The following ESR1 variants were observed in gnomAD, a reference collection of about 807,000 sequenced individuals.
ESR1 encodes estrogen receptor 1, also known as estrogen receptor.
In ESR1, 12 loss-of-function variants were observed where a neutral mutation model predicts 52.7. That is an observed-to-expected ratio of 0.23 (90% CI 0.15 to 0.37). The LOEUF is 0.37. Ranked by LOEUF, ESR1 falls within the 10% of genes least tolerant of loss-of-function variation. The pLI, the probability that ESR1 is intolerant of heterozygous loss-of-function variation, is 1.00. For synonymous variants in ESR1, 305 were observed against 316.8 expected (o/e 0.96, Z 0.39); for missense variants, 584 against 779.7 (o/e 0.75, Z 2.99).
intron 2 of ESR1, among the ~76,000 whole-genome samples, chr6:151,795,980 C>A (rs931672818): frequency 1.5e-5 from 2 of 130,178 alleles, no homozygotes; most frequent in African/African-American, 6.2e-5. Flanking sequence ...AACCCCATCT[C>A]TTCTAAAAAT....
chr6:151,967,378 C>T (rs2038393757), intron 4 of ESR1, among the ~76,000 whole-genome samples: 1 of 152,094 alleles, frequency 6.6e-6, no homozygotes, highest in Admixed American at 6.5e-5. Flanking sequence ...TGTTTCCCTC[C>T]CTGTGTCCAT....
intron 2 of ESR1, among the ~76,000 whole-genome samples, chr6:151,786,128 T>G (rs1386067122): frequency 1.3e-5 from 2 of 151,970 alleles, no homozygotes; most frequent in Admixed American, 1.3e-4. Context: ...CTGCACAGGG[T>G]GCTCACAGTA....
rs78574022 is a variant in ESR1, at chr6:151,944,345, G to A, written c.933G>A (p.Thr311=). The A allele has an allele frequency of 7.2e-4, 1,164 of 1,614,110 alleles. 4 individuals are homozygous for A. The African/African-American group carries it at 0.012, about 17-fold the overall frequency. ...SKKNSLALSL[T]ADQMVSALLD... is the part of the protein sequence containing the mutation. ...AGAACAGCCTGGCCTTGTCCCTGACGGCCGACCAGATGGTCAGTGCCTTGT... is the reference window on the plus strand; with the variant it reads ...AGAACAGCCTGGCCTTGTCCCTGACAGCCGACCAGATGGTCAGTGCCTTGT... The change falls in exon 4 of 8, where the codon ACG becomes ACA. Residue 311 remains threonine (T), a synonymous_variant. Coordinates refer to ENST00000206249, the MANE Select transcript of ESR1 (RefSeq NM_000125.4).
intron 4 of ESR1, among the ~76,000 whole-genome samples, chr6:151,998,649 G>A (rs2041698445): frequency 6.6e-6 from 1 of 152,056 alleles, no homozygotes; most frequent in African/African-American, 2.4e-5. Context: ...AATCGTACAT[G>A]ATCTTGCAGA....
rs938392196 is a variant in ESR1 at position 151,841,554 on chromosome 6, G to A, written c.453-1043G>A. ...TTGGTTTTCCTAGAATCTCCTTACT[G>A]TTCATTTTCAGCTTCCTTTCTGTGT... On this transcript the variant is annotated intron_variant, in intron 1 of 7. Transcript: ENST00000206249. 1.1e-4 allele frequency among the ~76,000 whole-genome samples: 16 copies of A among 151,770 alleles called. No homozygotes were observed. The East Asian group carries it at 2.5e-3, about 24-fold the overall frequency.
chr6:151,918,123 G>A (rs1381781792), intron 3 of ESR1, among the ~76,000 whole-genome samples: 2 of 152,174 alleles, frequency 1.3e-5, no homozygotes, highest in Admixed American at 6.5e-5. Context: ...GGGCAGACAT[G>A]AGCAGGTAGG....
rs1372661615 is a variant in ESR1, at chr6:152,098,493, G to A, written c.1554-239G>A. On this transcript the variant is annotated intron_variant, in intron 7 of 7. Transcript: ENST00000206249. This position sits in a 1 kb window ranked among gnomAD's most constrained non-coding sequence, Gnocchi z 5.1. ...AAGTGGCTGCAGGGAGAGTGTGAGG[G>A]TGGGACCGCCCTGGTAGGAGGTGGA... is the stretch of plus-strand genomic sequence containing the variant. 6.6e-6 allele frequency among the ~76,000 whole-genome samples: 1 copy of A among 152,022 alleles called. No homozygotes were observed. Among genetic ancestry groups the A allele is most frequent in the South Asian group, 2.1e-4 (1 of 4,808 alleles).
At chr6:151,836,620 T>C (rs182296243) in intron 1 of ESR1, among the ~76,000 whole-genome samples, 1 of 152,336 alleles carries the variant, frequency 6.6e-6, no homozygotes, top group Non-Finnish European at 1.5e-5. Context: ...AAATGAGACA[T>C]GATTCTTGCC....
rs145212446 is a variant in ESR1 at position 151,768,556 on chromosome 6, A to G, written c.-70-39287A>G. 5.3e-5 allele frequency among the ~76,000 whole-genome samples: 8 copies of G among 152,330 alleles called. No homozygotes were observed. In the East Asian group the frequency reaches 1.4e-3, roughly 26 times the overall value. ...TAGATTTGAAAATAATACTGTACCTATGTGAATTTCCTGACTTTGATCAAA... is the reference window on the plus strand; with the variant it reads ...TAGATTTGAAAATAATACTGTACCTGTGTGAATTTCCTGACTTTGATCAAA... On this transcript the variant is annotated intron_variant, in intron 2 of 2. Coordinates refer to the ESR1 transcript ENST00000404742.
intron 2 of ESR1, among the ~76,000 whole-genome samples, chr6:151,759,524 TAATAAA>T (rs992668908): frequency 6.6e-6 from 1 of 151,818 alleles, no homozygotes; most frequent in African/African-American, 2.4e-5. Context: ...ATAATAATAA[TAATAAA>T]AAAAGAATAA....
intron 3 of ESR1, among the ~76,000 whole-genome samples, chr6:151,900,793 G>A (rs1247038028): frequency 6.6e-6 from 1 of 152,238 alleles, no homozygotes; most frequent in African/African-American, 2.4e-5. Flanking sequence ...TGTGCTATGG[G>A]CTGTTTTCAG....
rs529975576 is a variant in ESR1, at chr6:152,015,836, C to T, written c.1235+4042C>T. ...GCCAAATTTGAAATTCCAAATTTCG[C>T]CATTTGGAATTTCAAATGGGGAAAA... On this transcript the variant is annotated intron_variant, in intron 5 of 7. Transcript: ENST00000206249. 3.3e-5 allele frequency among the ~76,000 whole-genome samples: 5 copies of T among 152,150 alleles called. No individual in the cohort carries two copies. The East Asian group carries it at 9.6e-4, about 29-fold the overall frequency.
chr6:151,750,301 T>C (rs1583117961), intron 2 of ESR1, among the ~76,000 whole-genome samples: 1 of 152,322 alleles, frequency 6.6e-6, no homozygotes, highest in East Asian at 1.9e-4. Flanking sequence ...TTATTTGTGT[T>C]ACTGTCCCTG....
chr6:152,000,193 T>C (rs965041883), intron 4 of ESR1, among the ~76,000 whole-genome samples: 2 of 152,036 alleles, frequency 1.3e-5, no homozygotes, highest in Admixed American at 6.6e-5. Context: ...ATTTTGCAGA[T>C]GAAGAAATTG....
intron 5 of ESR1, among the ~76,000 whole-genome samples, chr6:152,027,811 C>G (rs1446008295): frequency 6.6e-6 from 1 of 152,122 alleles, no homozygotes; most frequent in Non-Finnish European, 1.5e-5. Context: ...TATGTAGACT[C>G]AAATCAGACT....
intron 2 of ESR1, among the ~76,000 whole-genome samples, chr6:151,767,522 A>C (rs1415796408): frequency 6.6e-6 from 1 of 152,230 alleles, no homozygotes; most frequent in Non-Finnish European, 1.5e-5. Context: ...ATAGTGACAG[A>C]TCTAATAATT....
intron 2 of ESR1, among the ~76,000 whole-genome samples, chr6:151,759,187 A>G (rs979207365): frequency 4.8e-5 from 7 of 146,314 alleles, no homozygotes; most frequent in African/African-American, 1.8e-4. Context: ...AGGCAGGAGA[A>G]TTGCTTGAAC....
intron 1 of ESR1, among the ~76,000 whole-genome samples, chr6:151,657,488 A>G (rs1476430853): frequency 6.6e-6 from 1 of 152,124 alleles, no homozygotes; most frequent in Non-Finnish European, 1.5e-5. Context: ...TTGTTCTTAA[A>G]TTTTATTGTT....
chr6:152,002,965 G>A (rs2042072029), intron 4 of ESR1, among the ~76,000 whole-genome samples: 1 of 151,974 alleles, frequency 6.6e-6, no homozygotes, highest in Admixed American at 6.6e-5. Context: ...TTTATTTGGG[G>A]ATGAGGGTGG....
Sources: gnomAD v4.1 joint callset for allele counts (sites outside exome capture counted in the v4.1 genomes callset) on GRCh38, gnomAD v4.1.1 for gene constraint, Gnocchi (gnomAD v3.1) non-coding constraint, MANE v1.5 for transcripts, NCBI Gene and HGNC (gene_info 2026-07-23, HGNC 2026-07-21) for gene names.